Variants in NOCT observed in about 807,000 individuals in gnomAD.
NOCT encodes nocturnin.
Under a neutral mutation model 35.0 loss-of-function variants are expected in NOCT, and 18 were observed. The ratio of observed to expected loss-of-function variants is 0.51; its 90% CI spans 0.36 to 0.76. The LOEUF is 0.76. Among genes scored for constraint, NOCT ranks in the 30% least tolerant of loss-of-function variants. The pLI is 0.01. For missense variants in NOCT, 479 were observed against 541.0 expected (o/e 0.89, Z 1.14); for synonymous variants, 235 against 226.3 (o/e 1.04, Z -0.34).
intron 1 of NOCT, among the ~76,000 whole-genome samples, chr4:139,018,658 A>AC (rs1346948610): frequency 6.6e-6 from 1 of 152,260 alleles, no homozygotes; most frequent in Non-Finnish European, 1.5e-5. Context: ...CACACAATGT[A>AC]GGTGCTTTAT....
intron 1 of NOCT, among the ~76,000 whole-genome samples, chr4:139,023,599 G>A (rs1289754040): frequency 1.3e-5 from 2 of 152,098 alleles, no homozygotes; most frequent in Admixed American, 6.6e-5. Context: ...GGGTTCAAGC[G>A]ATTCTCCTGC....
At chr4:139,025,011 AAGG>A (rs1166843284) in intron 1 of NOCT, among the ~76,000 whole-genome samples, 1 of 152,150 alleles carries the variant, frequency 6.6e-6, no homozygotes, top group Non-Finnish European at 1.5e-5. Context: ...TTGTCAAAGA[AAGG>A]AGGGTTTCCT....
chr4:139,023,588 C>T (rs1272600635), intron 1 of NOCT, among the ~76,000 whole-genome samples: 1 of 152,088 alleles, frequency 6.6e-6, no homozygotes, highest in African/African-American at 2.4e-5. Flanking sequence ...CTCCGTCTCC[C>T]GGGTTCAAGC....
intron 1 of NOCT, among the ~76,000 whole-genome samples, chr4:139,019,087 G>A (rs1176682822): frequency 6.6e-6 from 1 of 151,998 alleles, no homozygotes; most frequent in Non-Finnish European, 1.5e-5. Flanking sequence ...AGGTTCTCTC[G>A]CACTGTTGCC....
At chr4:139,022,899 G>C (rs1003131023) in intron 1 of NOCT, among the ~76,000 whole-genome samples, 1 of 152,112 alleles carries the variant, frequency 6.6e-6, no homozygotes, top group Non-Finnish European at 1.5e-5. Flanking sequence ...AGGAGTTCGA[G>C]ACCAGCCTGG....
intron 1 of NOCT, among the ~76,000 whole-genome samples, chr4:139,024,534 C>T (rs2148643008): frequency 6.6e-6 from 1 of 152,084 alleles, no homozygotes; most frequent in South Asian, 2.1e-4. Context: ...TGTGTGTGTG[C>T]CTGTTTCTCC....
At chr4:139,030,047 G>A (rs930829030) in intron 1 of NOCT, among the ~76,000 whole-genome samples, 5 of 151,962 alleles carry the variant, frequency 3.3e-5, no homozygotes, top group Non-Finnish European at 1.5e-5. Context: ...CTGCCACCAC[G>A]CCCAGCTAAT....
chr4:139,041,556 G>A (rs555344656), intron 1 of NOCT, among the ~76,000 whole-genome samples: 3 of 152,272 alleles, frequency 2.0e-5, no homozygotes, highest in Admixed American at 6.5e-5. Flanking sequence ...CAAGTGAACT[G>A]CCACATAATG....
chr4:139,042,188 C>T (rs561328857), intron 1 of NOCT, among the ~76,000 whole-genome samples: 2 of 151,162 alleles, frequency 1.3e-5, no homozygotes, highest in South Asian at 2.1e-4. Context: ...CTGCCTCAGC[C>T]TCCTGAGTAG....
At chr4:139,038,021 G>T (rs187700787) in intron 1 of NOCT, among the ~76,000 whole-genome samples, 14 of 152,148 alleles carry the variant, frequency 9.2e-5, no homozygotes, top group Non-Finnish European at 1.5e-5. Context: ...GGCCAACATG[G>T]TGAAACTGTC....
In NOCT at chr4:139,045,390, G is replaced by T; in HGVS notation, c.1212G>T (p.Arg404Ser). ...CTGAAGAACAGATTGGACCCAACAG[G>T]TTACCTTCCTTCAATTATCCTTCAG... ...LLTEEQIGPN[R>S]LPSFNYPSDH... is the part of the protein sequence containing the mutation. Residue 404 changes from arginine to serine, a missense_variant, in exon 3 of 3, where the codon AGG (arginine) becomes AGT (serine). By Grantham distance (110) the Arg-to-Ser change is moderately radical (BLOSUM62 -1). Coordinates refer to ENST00000280614, the MANE Select transcript of NOCT (RefSeq NM_012118.4). 3 of 1,613,920 alleles carry T rather than the reference G, an allele frequency of 1.9e-6. No homozygotes were observed. Among genetic ancestry groups the T allele is most frequent in the Middle Eastern group, 1.6e-4 (1 of 6,062 alleles).
intron 1 of NOCT, among the ~76,000 whole-genome samples, chr4:139,017,347 C>T (rs1016555725): frequency 1.3e-5 from 2 of 150,436 alleles, no homozygotes; most frequent in African/African-American, 2.4e-5. Flanking sequence ...CCTGCCTCAA[C>T]CTCCCGAGAA....
At chr4:139,043,047 G>A in intron 1 of NOCT, 27 bp from the exon 2 acceptor site, 3 of 1,570,446 alleles carry the variant, frequency 1.9e-6, no homozygotes, top group African/African-American at 1.4e-5. Context: ...GGAGCTGAGT[G>A]TGTAACTGTG....
chr4:139,034,176 T>G (rs913145254), intron 1 of NOCT, among the ~76,000 whole-genome samples: 27 of 152,132 alleles, frequency 1.8e-4, no homozygotes, highest in African/African-American at 6.5e-4. Context: ...AGGGCTGAAC[T>G]CGCCCTTTTA....
chr4:139,035,005 A>T (rs368605867), intron 1 of NOCT, among the ~76,000 whole-genome samples: 52 of 151,912 alleles, frequency 3.4e-4, no homozygotes, highest in Admixed American at 1.6e-3. Flanking sequence ...CCAGTTTGTA[A>T]CTCTCTTCTG....
chr4:139,019,138 C>T (rs544156957), intron 1 of NOCT, among the ~76,000 whole-genome samples: 1 of 152,170 alleles, frequency 6.6e-6, no homozygotes, highest in Non-Finnish European at 1.5e-5. Context: ...TCACTGCAAC[C>T]TCCACCTCCC....
intron 1 of NOCT, among the ~76,000 whole-genome samples, chr4:139,036,238 C>A (rs1010551720): frequency 3.9e-5 from 6 of 152,076 alleles, no homozygotes; most frequent in Non-Finnish European, 8.8e-5. Context: ...GGCACTAAAA[C>A]CTTTTTTTTC....
chr4:139,017,829 A>T (rs1489375213), intron 1 of NOCT, among the ~76,000 whole-genome samples: 3 of 152,136 alleles, frequency 2.0e-5, no homozygotes, highest in Non-Finnish European at 4.4e-5. Context: ...TAAAAAATGT[A>T]TATATTTTAA....
chr4:139,029,592 A>T (rs1269414214), intron 1 of NOCT, among the ~76,000 whole-genome samples: 1 of 152,250 alleles, frequency 6.6e-6, no homozygotes, highest in Non-Finnish European at 1.5e-5. Flanking sequence ...ATACCTTCTT[A>T]ACTTGGCACT....
Sources: gnomAD v4.1 joint callset for allele counts (sites outside exome capture counted in the v4.1 genomes callset) on GRCh38, gnomAD v4.1.1 for gene constraint, MANE v1.5 for transcripts, NCBI Gene and HGNC (gene_info 2026-07-23, HGNC 2026-07-21) for gene names.